The following GPC5 variants were observed in gnomAD, a reference collection of about 807,000 sequenced individuals.
The protein encoded by GPC5 is glypican-5.
In GPC5, 47 loss-of-function variants were observed where a neutral mutation model predicts 53.9. That is an observed-to-expected ratio of 0.87 (90% CI 0.69 to 1.11). GPC5 has a LOEUF of 1.11. Among genes scored for constraint, GPC5 ranks in the 50% most tolerant of loss-of-function variants. The pLI, the probability that GPC5 is intolerant of heterozygous loss-of-function variation, is 0.00. For missense variants in GPC5, 748 were observed against 713.1 expected (o/e 1.05, Z -0.56); for synonymous variants, 286 against 263.3 (o/e 1.09, Z -0.84).
intron 5 of GPC5, among the ~76,000 whole-genome samples, chr13:91,869,715 G>A (rs2039123004): frequency 6.6e-6 from 1 of 152,142 alleles, no homozygotes; most frequent in African/African-American, 2.4e-5. Flanking sequence ...AAAGAAAAGA[G>A]GTTTAATTGA....
intron 7 of GPC5, among the ~76,000 whole-genome samples, chr13:92,328,270 G>A (rs2139232250): frequency 6.6e-6 from 1 of 152,240 alleles, no homozygotes; most frequent in Admixed American, 6.5e-5. Context: ...TAGGCAAATG[G>A]AGTATGGCAA....
chr13:91,820,328 T>C (rs2038472088), intron 5 of GPC5, among the ~76,000 whole-genome samples: 1 of 152,194 alleles, frequency 6.6e-6, no homozygotes, highest in Non-Finnish European at 1.5e-5. Context: ...AAATATGTTG[T>C]TAATAATTTT....
intron 7 of GPC5, among the ~76,000 whole-genome samples, chr13:92,352,613 A>G (rs887172883): frequency 1.2e-4 from 18 of 152,186 alleles, no homozygotes; most frequent in Admixed American, 6.5e-4. Context: ...AGGCAATAAC[A>G]TTACTGATCA....
chr13:92,609,205 C>T (rs1884355147), intron 7 of GPC5, among the ~76,000 whole-genome samples: 3 of 151,900 alleles, frequency 2.0e-5, no homozygotes, highest in Admixed American at 2.0e-4. Flanking sequence ...ATCTTTGAAA[C>T]CCTAGGAACA....
chr13:91,717,877 A>G (rs2036375516), intron 3 of GPC5, among the ~76,000 whole-genome samples: 1 of 151,852 alleles, frequency 6.6e-6, no homozygotes. Context: ...TTAAACCCCT[A>G]GCTGGTGCTG....
At chr13:92,429,752 T>C (rs989827517) in intron 7 of GPC5, among the ~76,000 whole-genome samples, 1 of 152,116 alleles carries the variant, frequency 6.6e-6, no homozygotes, top group Non-Finnish European at 1.5e-5. Context: ...GAACACTAGA[T>C]GGATAGGTAA....
At chr13:92,059,351 T>C (rs2041102669) in intron 6 of GPC5, among the ~76,000 whole-genome samples, 1 of 152,086 alleles carries the variant, frequency 6.6e-6, no homozygotes, top group South Asian at 2.1e-4. Flanking sequence ...AGATCATCAG[T>C]GCTGTTAGCA....
intron 6 of GPC5, among the ~76,000 whole-genome samples, chr13:92,093,084 A>C (rs555913549): frequency 6.6e-6 from 1 of 152,220 alleles, no homozygotes; most frequent in Non-Finnish European, 1.5e-5. Context: ...CCATACAATC[A>C]GCTAAACTAA....
At chr13:92,490,946 C>A (rs1431114771) in intron 7 of GPC5, among the ~76,000 whole-genome samples, 1 of 152,028 alleles carries the variant, frequency 6.6e-6, no homozygotes, top group African/African-American at 2.4e-5. Flanking sequence ...GAATAACTGT[C>A]AACTCCATCA....
intron 6 of GPC5, among the ~76,000 whole-genome samples, chr13:91,928,819 G>T (rs1435729268): frequency 6.6e-6 from 1 of 152,122 alleles, no homozygotes; most frequent in Non-Finnish European, 1.5e-5. Context: ...TAGACGTAAA[G>T]ACATTATAAC....
intron 1 of GPC5, among the ~76,000 whole-genome samples, chr13:91,427,803 G>A (rs1160050936): frequency 1.3e-5 from 2 of 152,148 alleles, no homozygotes; most frequent in Non-Finnish European, 2.9e-5. Flanking sequence ...GGTGTTGATG[G>A]AGAGACCTGG....
chr13:92,465,291 C>A (rs1471629104), intron 7 of GPC5, among the ~76,000 whole-genome samples: 2 of 151,656 alleles, frequency 1.3e-5, no homozygotes, highest in African/African-American at 4.9e-5. Flanking sequence ...ATGCAGCTAT[C>A]CAAAATTCAA....
intron 6 of GPC5, among the ~76,000 whole-genome samples, chr13:91,968,565 G>A (rs1435864547): frequency 2.0e-5 from 3 of 151,926 alleles, no homozygotes; most frequent in African/African-American, 4.8e-5. Flanking sequence ...AGGTTCAAGC[G>A]ATTCTTCTGC....
At chr13:92,825,067 A>C (rs1197510340) in intron 7 of GPC5, among the ~76,000 whole-genome samples, 1 of 152,136 alleles carries the variant, frequency 6.6e-6, no homozygotes, top group African/African-American at 2.4e-5. Context: ...GACACTAAAA[A>C]GTCTCCGGGA....
At chr13:92,141,524 A>T (rs1358019570) in intron 6 of GPC5, among the ~76,000 whole-genome samples, 1 of 152,220 alleles carries the variant, frequency 6.6e-6, no homozygotes, top group African/African-American at 2.4e-5. Flanking sequence ...TCTGAGAAAC[A>T]TGCTAGAGAA....
chr13:92,105,505 T>C (rs2041503033), intron 6 of GPC5, among the ~76,000 whole-genome samples: 2 of 152,056 alleles, frequency 1.3e-5, no homozygotes, highest in African/African-American at 4.8e-5. Flanking sequence ...AAGTGAAGCT[T>C]GAAAATAAGC....
chr13:92,066,420 A>G (rs923196217), intron 6 of GPC5, among the ~76,000 whole-genome samples: 8 of 150,972 alleles, frequency 5.3e-5, no homozygotes, highest in African/African-American at 1.5e-4. Context: ...TTAGGTTTTG[A>G]TAGAACAAAC....
chr13:92,233,598 C>T (rs182901646), intron 7 of GPC5, among the ~76,000 whole-genome samples: 68 of 152,090 alleles, frequency 4.5e-4, no homozygotes, highest in African/African-American at 1.5e-3. Flanking sequence ...GTGCTATATG[C>T]ATTATTCTTT....
chr13:92,195,414 C>T (rs1156274890), intron 7 of GPC5, among the ~76,000 whole-genome samples: 3 of 152,128 alleles, frequency 2.0e-5, no homozygotes, highest in Non-Finnish European at 2.9e-5. Context: ...TTTAAAATAA[C>T]CCCTTGAGTT....
Sources: allele counts gnomAD v4.1 joint callset (sites outside exome capture counted in the v4.1 genomes callset), GRCh38; gene constraint gnomAD v4.1.1; transcripts MANE v1.5; gene names NCBI Gene and HGNC (gene_info 2026-07-23, HGNC 2026-07-21).